Variants in MERTK observed in about 807,000 individuals in gnomAD.
The protein encoded by MERTK is tyrosine-protein kinase Mer.
A neutral mutation model predicts 99.3 loss-of-function variants in MERTK; 69 were observed. That is an observed-to-expected ratio of 0.70 (90% CI 0.57 to 0.85). MERTK has a LOEUF of 0.85. Among genes scored for constraint, MERTK ranks in the 40% least tolerant of loss-of-function variants. MERTK has a pLI of 0.00. For synonymous variants in MERTK, 426 were observed against 467.6 expected (o/e 0.91, Z 1.15); for missense variants, 1,125 against 1,249.4 (o/e 0.90, Z 1.50).
intron 1 of MERTK, among the ~76,000 whole-genome samples, chr2:111,910,610 G>GTATATATA (rs1553444752): frequency 3.5e-5 from 5 of 143,658 alleles, no homozygotes; most frequent in Non-Finnish European, 7.5e-5. Flanking sequence ...GTGTGTGTGT[G>GTATATATA]TATATATATA....
chr2:111,993,852 G>A (rs1676680435), intron 8 of MERTK, among the ~76,000 whole-genome samples: 1 of 152,182 alleles, frequency 6.6e-6, no homozygotes, highest in Admixed American at 6.5e-5. Context: ...TGGTTCAAGG[G>A]CAGGTGGCAG....
At chr2:111,902,707 C>T (rs1684066663) in intron 1 of MERTK, among the ~76,000 whole-genome samples, 2 of 152,144 alleles carry the variant, frequency 1.3e-5, no homozygotes, top group African/African-American at 4.8e-5. Context: ...GTATCATATG[C>T]ATACACCCCA....
At position 111,963,558 on chromosome 2, in the gene MERTK, ATGACTCTTAACGAGCATGC is replaced by A. The variant is rs1326225597; in HGVS notation, c.758-1630_758-1612del. 2.6e-5 allele frequency among the ~76,000 whole-genome samples: 4 copies of A among 150,990 alleles called. No homozygotes were observed. In the East Asian group the frequency reaches 7.7e-4, roughly 29 times the overall value. On this transcript the variant is annotated intron_variant, in intron 4 of 18. Coordinates refer to ENST00000295408, the MANE Select transcript of MERTK (RefSeq NM_006343.3). Reference sequence around the variant, plus strand: ...GGGTACTTGAGATTAGGGAGTGGTGATGACTCTTAACGAGCATGCTGCCTTCAAGCATCTGTGTAACAAA... The same window carrying A: ...GGGTACTTGAGATTAGGGAGTGGTGATGCCTTCAAGCATCTGTGTAACAAA...
intron 4 of MERTK, among the ~76,000 whole-genome samples, chr2:111,959,707 G>C (rs1037604945): frequency 1.8e-4 from 27 of 152,110 alleles, no homozygotes; most frequent in African/African-American, 6.5e-4. Context: ...TTCTGGACTT[G>C]AACTCTCGAA....
In MERTK at chr2:111,975,369, G is replaced by A. The variant is rs1676226286; in HGVS notation, c.1041G>A (p.Lys347=). Reference sequence around the variant, plus strand: ...CCTTACCACATCTGTACCAAATCAAGCAGCTGCAAGCCCTGGCTAATTACA... The same window carrying A: ...CCTTACCACATCTGTACCAAATCAAACAGCTGCAAGCCCTGGCTAATTACA... ...TSALPHLYQI[K]QLQALANYSI... is the part of the protein sequence containing the mutation. Residue 347 remains lysine (K), a synonymous_variant, in exon 7 of 19, where the codon AAG becomes AAA. Transcript: ENST00000295408. The A allele has an allele frequency of 6.2e-7, 1 of 1,614,178 alleles. No homozygotes were observed.
chr2:111,987,501 G>A (rs1217410319), intron 8 of MERTK, among the ~76,000 whole-genome samples: 1 of 152,096 alleles, frequency 6.6e-6, no homozygotes, highest in Non-Finnish European at 1.5e-5. Flanking sequence ...CTGAACACAG[G>A]GCCTTGACCT....
Position 111,974,769 on chromosome 2 carries a change from CAAAAA to C in MERTK, c.961-501_961-497del, listed in dbSNP as rs35594851. Reference sequence around the variant, plus strand: ...GGGCAAAGAGAGCGAAGGTCCATCTCAAAAAAAAAAAAAAAAAAAAAAAGAAAGAA... The same window carrying C: ...GGGCAAAGAGAGCGAAGGTCCATCTCAAAAAAAAAAAAAAAAAAGAAAGAA... On this transcript the variant is annotated intron_variant, in intron 6 of 18. Coordinates refer to ENST00000295408, the MANE Select transcript of MERTK (RefSeq NM_006343.3). 3.1e-3 allele frequency among the ~76,000 whole-genome samples: 168 copies of C among 53,366 alleles called. 1 individual carries two copies. Among genetic ancestry groups the C allele is most frequent in the African/African-American group, 8.5e-3 (117 of 13,758 alleles). The allele number at this position is 53,366 out of a possible 152,430, so 35.0% of individuals were successfully genotyped here.
At chr2:111,949,045 C>T (rs925248040) in intron 4 of MERTK, among the ~76,000 whole-genome samples, 1 of 151,958 alleles carries the variant, frequency 6.6e-6, no homozygotes. Flanking sequence ...TGCCTCAGGA[C>T]CTTTGCACTG....
rs531156792 is a variant in MERTK at position 111,989,580 on chromosome 2, C to T, written c.1297-4671C>T. Reference sequence around the variant, plus strand: ...CCGTGTTAGCCAGGATGGTCTTGATCTCCTGACCTCGTGATCCACCCGCCT... The same window carrying T: ...CCGTGTTAGCCAGGATGGTCTTGATTTCCTGACCTCGTGATCCACCCGCCT... On this transcript the variant is annotated intron_variant, in intron 8 of 18. Coordinates refer to ENST00000295408, the MANE Select transcript of MERTK (RefSeq NM_006343.3). Among the ~76,000 whole-genome samples, 130 of 152,220 alleles carry T rather than the reference C, an allele frequency of 8.5e-4. 1 individual carries two copies. The highest frequency in any genetic ancestry group is 2.8e-3 in the African/African-American group (117 of 41,540).
chr2:112,010,199 G>C, intron 15 of MERTK, 133 bp downstream of exon 15: 1 of 749,348 alleles, frequency 1.3e-6, no homozygotes, highest in Non-Finnish European at 2.4e-6. Context: ...TGCTCCCTGT[G>C]TGTCCAGGGT....
At position 111,997,072 on chromosome 2, in the gene MERTK, A is replaced by G. The variant is rs140301352; in HGVS notation, c.1451-251A>G. 1,360 of 597,982 alleles carry G rather than the reference A, an allele frequency of 2.3e-3. 19 individuals are homozygous for G. The highest frequency in any genetic ancestry group is 0.023 in the African/African-American group (1,230 of 54,172). 37.0% of individuals were successfully genotyped at this position (597,982 alleles called of 1,614,324 possible). A position where few individuals can be genotyped will look rare whatever the true frequency, so the allele number is the denominator to read the frequency against. ...AATTAATAATTGAAAAATTGTATATACCTGTGGAGTACAGTGTGACATTTT... is the reference window on the plus strand; with the variant it reads ...AATTAATAATTGAAAAATTGTATATGCCTGTGGAGTACAGTGTGACATTTT... On this transcript the variant is annotated intron_variant, in intron 9 of 18. Coordinates refer to ENST00000295408, the MANE Select transcript of MERTK (RefSeq NM_006343.3).
At chr2:111,967,412 A>G (rs750355201) in intron 5 of MERTK, among the ~76,000 whole-genome samples, 4 of 152,154 alleles carry the variant, frequency 2.6e-5, no homozygotes, top group Admixed American at 1.3e-4. Context: ...TGTAATTATT[A>G]TTATGAATTA....
At chr2:111,942,454 C>T (rs1220539844) in intron 2 of MERTK, among the ~76,000 whole-genome samples, 1 of 152,154 alleles carries the variant, frequency 6.6e-6, no homozygotes, top group Non-Finnish European at 1.5e-5. Context: ...AGAATTCTCC[C>T]ATCTTTCTTC....
At chr2:112,027,176 T>TACAC (rs541453305) in intron 18 of MERTK, among the ~76,000 whole-genome samples, 23 of 149,166 alleles carry the variant, frequency 1.5e-4, no homozygotes, top group South Asian at 4.2e-4. Flanking sequence ...TATATATATA[T>TACAC]ACACACACAC....
chr2:111,898,743 C>T lies in MERTK; in HGVS notation c.8C>T (p.Pro3Leu). MG[P>L]APLPLLLGLF... ...CAGATCCGCAGCCCCGGGATGGGGC[C>T]GGCCCCGCTGCCGCTGCTGCTGGGC... Residue 3 changes from proline to leucine, a missense_variant, in exon 1 of 19, where the codon CCG (proline) becomes CTG (leucine). Coordinates refer to ENST00000295408, the MANE Select transcript of MERTK (RefSeq NM_006343.3). 6.2e-7 allele frequency: 1 copy of T among 1,606,430 alleles called. No individual in the cohort carries two copies. The highest frequency in any genetic ancestry group is 8.5e-7 in the Non-Finnish European group (1 of 1,177,064).
intron 15 of MERTK, 73 bp from the exon 16 acceptor site, chr2:112,019,340 C>CT (rs767572808): frequency 1.0e-5 from 11 of 1,081,952 alleles, no homozygotes; most frequent in South Asian, 5.0e-5. Flanking sequence ...ATCCTTTCCC[C>CT]CCCCGGCAGA....
intron 18 of MERTK, among the ~76,000 whole-genome samples, chr2:112,025,209 G>A (rs1002102062): frequency 5.9e-5 from 9 of 152,064 alleles, no homozygotes; most frequent in Admixed American, 1.3e-4. Context: ...AGGAGTGATC[G>A]GTTAGGGCCC....
chr2:111,980,601 G>A (rs1027497680), intron 7 of MERTK, among the ~76,000 whole-genome samples: 2 of 151,858 alleles, frequency 1.3e-5, no homozygotes, highest in Admixed American at 6.6e-5. Flanking sequence ...TGTATTTTTA[G>A]TAGAGACGGG....
intron 8 of MERTK, among the ~76,000 whole-genome samples, chr2:111,987,885 A>AT (rs778208406): frequency 1.3e-5 from 2 of 151,740 alleles, no homozygotes; most frequent in Non-Finnish European, 2.9e-5. Context: ...CTTTGGGTTT[A>AT]TTGCTCTAAT....
Sources: allele counts gnomAD v4.1 joint callset (sites outside exome capture counted in the v4.1 genomes callset), GRCh38; gene constraint gnomAD v4.1.1; transcripts MANE v1.5; gene names NCBI Gene and HGNC (gene_info 2026-07-23, HGNC 2026-07-21).